TNS3: variants seen among roughly 807,000 people sequenced by gnomAD.
The protein encoded by TNS3 is tensin 3, also known as tensin-3.
TNS3 carries 45 observed loss-of-function variants against 140.9 expected under a neutral mutation model. That is an observed-to-expected ratio of 0.32 (90% CI 0.25 to 0.41). The LOEUF is 0.41. TNS3 is among the 10% of genes least tolerant of loss of function. TNS3 has a pLI of 1.00. For missense variants in TNS3, 1,716 were observed against 1,906.7 expected (o/e 0.90, Z 1.86); for synonymous variants, 815 against 788.4 (o/e 1.03, Z -0.56).
In TNS3 at chr7:47,401,115, C is replaced by T. The variant is rs140878416; in HGVS notation, c.724-201G>A. Among the ~76,000 whole-genome samples the T allele has an allele frequency of 9.9e-3, 1,511 of 152,316 alleles. 95 individuals carry two copies. Among genetic ancestry groups the T allele is most frequent in the Admixed American group, 0.092 (1,409 of 15,296 alleles). ...GGGTGCAGGCAGAGGCACCACACTG[C>T]TGCTGCTGGGTGCGGGGCTCCACTG... On this transcript the variant is annotated intron_variant, in intron 13 of 30. Transcript: ENST00000311160.
chr7:47,524,958 T>C (rs560929230), intron 2 of TNS3, among the ~76,000 whole-genome samples: 1 of 152,098 alleles, frequency 6.6e-6, no homozygotes, highest in Admixed American at 6.5e-5. Flanking sequence ...ATCATAGCTG[T>C]CCATGAGTGA....
At chr7:47,490,449 T>C (rs778089970) in intron 3 of TNS3, among the ~76,000 whole-genome samples, 1 of 152,250 alleles carries the variant, frequency 6.6e-6, no homozygotes, top group Non-Finnish European at 1.5e-5. Context: ...GTAAAGGAAC[T>C]CTGCCATTCC....
chr7:47,284,561 C>T (rs1005197929), intron 27 of TNS3, among the ~76,000 whole-genome samples: 1 of 152,164 alleles, frequency 6.6e-6, no homozygotes, highest in Non-Finnish European at 1.5e-5. Context: ...CATAAGTGCA[C>T]GTGTGACTTT....
chr7:47,342,736 T>A (rs1789091289), intron 20 of TNS3, among the ~76,000 whole-genome samples: 1 of 152,194 alleles, frequency 6.6e-6, no homozygotes, highest in South Asian at 2.1e-4. Context: ...ACAGTAAGAG[T>A]GACCCATAGA....
intron 4 of TNS3, among the ~76,000 whole-genome samples, chr7:47,471,113 G>T (rs1796934546): frequency 1.3e-5 from 2 of 152,148 alleles, no homozygotes; most frequent in African/African-American, 4.8e-5. Context: ...TTTGGAAATA[G>T]CCAAAGGCCT....
intron 23 of TNS3, 72 bp downstream of exon 23, chr7:47,302,114 C>T: frequency 7.8e-7 from 1 of 1,281,914 alleles, no homozygotes; most frequent in South Asian, 1.2e-5. Flanking sequence ...ACCGCAGGGC[C>T]CATCTTCACA....
chr7:47,327,846 C>T lies in TNS3; in HGVS notation c.2650+16909G>A, dbSNP rs992694266. Among the ~76,000 whole-genome samples, 3 of 151,684 alleles carry T rather than the reference C, an allele frequency of 2.0e-5. No individual in the cohort carries two copies. The East Asian group carries it at 5.9e-4, about 30-fold the overall frequency. ...TCCCACCTCATACCCCTCCCCACCC[C>T]CCTCCACTGGAGCCCAGGAGATCAA... On this transcript the variant is annotated intron_variant, in intron 20 of 30. Transcript: ENST00000311160.
chr7:47,433,113 G>A (rs1022167468), intron 8 of TNS3, among the ~76,000 whole-genome samples: 5 of 152,160 alleles, frequency 3.3e-5, no homozygotes, highest in South Asian at 2.1e-4. Context: ...ACGGCAGAAC[G>A]GGAAGCATAG....
At chr7:47,280,060 G>C (rs1291946165) in intron 30 of TNS3, 104 bp downstream of exon 30, 2 of 1,357,314 alleles carry the variant, frequency 1.5e-6, no homozygotes, top group East Asian at 2.3e-5. Context: ...GCATGGTGTA[G>C]TCATTTTCTT....
At chr7:47,323,044 C>A (rs1228057932) in intron 20 of TNS3, among the ~76,000 whole-genome samples, 1 of 152,204 alleles carries the variant, frequency 6.6e-6, no homozygotes, top group Non-Finnish European at 1.5e-5. Flanking sequence ...AGCCCACCTG[C>A]AGCTCTGCAC....
intron 21 of TNS3, 126 bp from the exon 22 acceptor site, chr7:47,303,710 C>T (rs768395919): frequency 1.2e-4 from 143 of 1,199,212 alleles, no homozygotes; most frequent in Non-Finnish European, 1.4e-4. Context: ...CCAGGCAGCA[C>T]AGGAGGTATT....
intron 2 of TNS3, among the ~76,000 whole-genome samples, chr7:47,528,152 C>T (rs1245193828): frequency 6.6e-6 from 1 of 152,170 alleles, no homozygotes; most frequent in Non-Finnish European, 1.5e-5. Flanking sequence ...CACCCACACT[C>T]AGGCCTTTGA....
intron 1 of TNS3, chr7:47,579,804 C>T (rs928286780): frequency 2.7e-5 from 27 of 982,904 alleles, no homozygotes; most frequent in African/African-American, 2.6e-4. Flanking sequence ...ATATAAGCTG[C>T]GACTGCCAAA....
At chr7:47,474,850 CAAA>C (rs1414559893) in intron 4 of TNS3, among the ~76,000 whole-genome samples, 1 of 147,684 alleles carries the variant, frequency 6.8e-6, no homozygotes, top group Non-Finnish European at 1.5e-5. Context: ...ACCTCACACA[CAAA>C]ACACCTCACA....
rs115470047 is a variant in TNS3 at position 47,381,668 on chromosome 7, C to T, written c.1025-12047G>A. On this transcript the variant is annotated intron_variant, in intron 16 of 30. Transcript: ENST00000311160. ...AGGGTAACAAATCTTTTAAATCACC[C>T]GAGATGGCCACATTGGCATATGTCG... 5.6e-3 allele frequency among the ~76,000 whole-genome samples: 858 copies of T among 152,260 alleles called. 11 individuals are homozygous for T. Among genetic ancestry groups the T allele is most frequent in the African/African-American group, 0.02 (814 of 41,520 alleles).
chr7:47,370,915 C>T (rs1469849799), intron 16 of TNS3, among the ~76,000 whole-genome samples: 1 of 152,244 alleles, frequency 6.6e-6, no homozygotes, highest in East Asian at 1.9e-4. Flanking sequence ...CCACCATGGT[C>T]AGCAGCTGCT....
intron 20 of TNS3, among the ~76,000 whole-genome samples, chr7:47,332,745 A>G (rs1788413851): frequency 6.6e-6 from 1 of 152,170 alleles, no homozygotes; most frequent in Admixed American, 6.5e-5. Context: ...CATGGCACAC[A>G]TATTCTTATT....
At chr7:47,311,908 G>T (rs1472482543) in intron 20 of TNS3, among the ~76,000 whole-genome samples, 1 of 152,138 alleles carries the variant, frequency 6.6e-6, no homozygotes, top group Non-Finnish European at 1.5e-5. Context: ...CAAATACAAA[G>T]TCTGAAACAC....
At chr7:47,311,077 T>C (rs867097163) in intron 20 of TNS3, among the ~76,000 whole-genome samples, 1 of 152,240 alleles carries the variant, frequency 6.6e-6, no homozygotes, top group South Asian at 2.1e-4. Context: ...CCTTTGGGTA[T>C]ATACCCAGTA....
Sources: gnomAD v4.1 joint callset for allele counts (sites outside exome capture counted in the v4.1 genomes callset) on GRCh38, gnomAD v4.1.1 for gene constraint, MANE v1.5 for transcripts, NCBI Gene and HGNC (gene_info 2026-07-23, HGNC 2026-07-21) for gene names.